Variants in KIF5A observed in about 807,000 individuals in gnomAD.
KIF5A encodes the protein kinesin heavy chain isoform 5A.
Under a neutral mutation model 141.3 loss-of-function variants are expected in KIF5A, and 35 were observed. That is an observed-to-expected ratio of 0.25 (90% CI 0.19 to 0.33). The LOEUF (loss-of-function observed/expected upper bound fraction) is 0.33, where lower values mean the gene tolerates loss of function less well. Among genes scored for constraint, KIF5A ranks in the 10% least tolerant of loss-of-function variants. KIF5A has a pLI of 1.00. For missense variants in KIF5A, 861 were observed against 1,314.3 expected (o/e 0.66, Z 5.33); for synonymous variants, 448 against 500.2 (o/e 0.90, Z 1.39).
In KIF5A at chr12:57,550,250, C is replaced by T. The variant is rs1212884404; in HGVS notation, c.-22C>T. ...CACCCCTGCAGCCCAAGAAGAGTCC[C>T]AGCCCCACGCCGGCTACCACCATGG... On this transcript the variant is annotated 5_prime_UTR_variant, in exon 1 of 29. Transcript: ENST00000455537. The surrounding 1 kb of genome is among the most constrained non-coding windows in gnomAD (Gnocchi z 4.6). The T allele has an allele frequency of 1.2e-6, 2 of 1,613,792 alleles. No individual in the cohort carries two copies. Among genetic ancestry groups the T allele is most frequent in the Admixed American group, 3.3e-5 (2 of 60,030 alleles).
rs751050159 is a variant in KIF5A at position 57,581,584 on chromosome 12, T to C, written c.2909+16T>C. 1 of 1,613,668 alleles carries C rather than the reference T, an allele frequency of 6.2e-7. No individual in the cohort carries two copies. Among genetic ancestry groups the C allele is most frequent in the Non-Finnish European group, 8.5e-7 (1 of 1,180,010 alleles). On this transcript the variant is annotated intron_variant, in intron 25 of 28. Transcript: ENST00000455537. ...CAGATATGTAGTGAGTGACCACACG[T>C]GTGGGTTGGAGTCCCACCCAAAGCT...
At chr12:57,563,972 C>T in intron 3 of KIF5A, 136 bp from the exon 4 acceptor site, 1 of 737,638 alleles carries the variant, frequency 1.4e-6, no homozygotes. Context: ...CTCTAAAAGG[C>T]AGACATGGTG....
At chr12:57,553,049 A>C (rs1881627222) in intron 1 of KIF5A, among the ~76,000 whole-genome samples, 1 of 152,090 alleles carries the variant, frequency 6.6e-6, no homozygotes, top group Non-Finnish European at 1.5e-5. Context: ...GTCATAGCAG[A>C]AGGGTGTCTG....
chr12:57,557,001 T>C (rs1207455934), intron 1 of KIF5A, among the ~76,000 whole-genome samples: 1 of 152,172 alleles, frequency 6.6e-6, no homozygotes, highest in Non-Finnish European at 1.5e-5. Flanking sequence ...TCCAGTCAAG[T>C]TGACACTCAG....
intron 1 of KIF5A, among the ~76,000 whole-genome samples, chr12:57,555,793 C>T (rs951985038): frequency 6.7e-5 from 10 of 149,010 alleles, no homozygotes; most frequent in Middle Eastern, 3.5e-3. Context: ...CCTGTAATCC[C>T]AGCTACTCGG....
intron 1 of KIF5A, among the ~76,000 whole-genome samples, chr12:57,554,501 A>G (rs1881673315): frequency 1.3e-5 from 2 of 152,092 alleles, no homozygotes; most frequent in Admixed American, 1.3e-4. Context: ...TTTCATGCAA[A>G]CCTCCAGATC....
intron 15 of KIF5A, among the ~76,000 whole-genome samples, chr12:57,573,191 A>C (rs1882309211): frequency 6.6e-6 from 1 of 152,142 alleles, no homozygotes; most frequent in Admixed American, 6.5e-5. Context: ...ACTCTGCCTT[A>C]AAAACAAAAC....
At position 57,551,847 on chromosome 12, in the gene KIF5A, C is replaced by T. The variant is rs141148875; in HGVS notation, c.129+1447C>T. Among the ~76,000 whole-genome samples, 950 of 151,790 alleles carry T rather than the reference C, an allele frequency of 6.3e-3. 12 individuals carry two copies. Among genetic ancestry groups the T allele is most frequent in the African/African-American group, 0.022 (894 of 41,296 alleles). On this transcript the variant is annotated intron_variant, in intron 1 of 28. Transcript: ENST00000455537. ...TCACCACCTTGCACCCTTACCCACA[C>T]TGTTAACTCAAATGGATGCTTTTGG... is the stretch of plus-strand genomic sequence containing the variant.
At position 57,585,801 on chromosome 12, in the gene KIF5A, C is replaced by G. The variant is rs1565707216; in HGVS notation, c.*1620C>G. The G allele has an allele frequency of 6.6e-6, 1 of 152,054 alleles. No homozygotes were observed. Among genetic ancestry groups the G allele is most frequent in the African/African-American group, 2.4e-5 (1 of 41,384 alleles). 9.4% of individuals were successfully genotyped at this position (152,054 alleles called of 1,614,324 possible). A position where few individuals can be genotyped will look rare whatever the true frequency, so the allele number is the denominator to read the frequency against. On this transcript the variant is annotated 3_prime_UTR_variant, in exon 29 of 29. Coordinates refer to ENST00000455537, the MANE Select transcript of KIF5A (RefSeq NM_004984.4). ...AGGGAGAACTGCAGGGGGAAAAATACCAGTGGAGTGTGGAATAAATCCAAA... is the reference window on the plus strand; with the variant it reads ...AGGGAGAACTGCAGGGGGAAAAATAGCAGTGGAGTGTGGAATAAATCCAAA...
chr12:57,576,453 T>C, intron 19 of KIF5A, 75 bp downstream of exon 19: 1 of 1,130,900 alleles, frequency 8.8e-7, no homozygotes, highest in Non-Finnish European at 1.3e-6. Flanking sequence ...ATGTCCCCTC[T>C]GGGTCTGATT....
At chr12:57,568,725 CAA>C (rs558633353) in intron 8 of KIF5A, among the ~76,000 whole-genome samples, 7 of 132,500 alleles carry the variant, frequency 5.3e-5, no homozygotes, top group African/African-American at 2.7e-5. Flanking sequence ...AACTCCATCT[CAA>C]AAAAAAAAAA....
At chr12:57,576,905 C>T (rs753411111) in intron 20 of KIF5A, 43 bp downstream of exon 20, 2 of 1,439,102 alleles carry the variant, frequency 1.4e-6, no homozygotes, top group South Asian at 2.3e-5. Context: ...GCCTTGTAGG[C>T]TCAGAACTGT....
intron 27 of KIF5A, 107 bp from the exon 28 acceptor site, chr12:57,582,994 T>A: frequency 1.1e-6 from 1 of 901,368 alleles, no homozygotes; most frequent in South Asian, 1.4e-5. Flanking sequence ...ACACAAATAG[T>A]CCCTGCCGTT....
At chr12:57,563,909 T>G (rs1881986612) in intron 3 of KIF5A, among the ~76,000 whole-genome samples, 199 bp from the exon 4 acceptor site, 1 of 152,168 alleles carries the variant, frequency 6.6e-6, no homozygotes, top group African/African-American at 2.4e-5. Flanking sequence ...AGTCTTCTTT[T>G]GATCGGGAAA....
In KIF5A at chr12:57,581,867, C is replaced by T. The variant is rs1489080361; in HGVS notation, c.2910-3C>T. ...GGCTGCCTCTTTCCTCTGCTCCATCCAGCTTTGCAAACTCCTGTACCAGCA... is the reference window on the plus strand; with the variant it reads ...GGCTGCCTCTTTCCTCTGCTCCATCTAGCTTTGCAAACTCCTGTACCAGCA... On this transcript the variant is annotated splice_polypyrimidine_tract_variant and splice_region_variant and intron_variant, in intron 25 of 28. Coordinates refer to ENST00000455537, the MANE Select transcript of KIF5A (RefSeq NM_004984.4). 1.9e-6 allele frequency: 3 copies of T among 1,613,854 alleles called. No individual in the cohort carries two copies. The highest frequency in any genetic ancestry group is 1.7e-5 in the Admixed American group (1 of 60,014).
chr12:57,571,680 C>T (rs1399216661), intron 13 of KIF5A, among the ~76,000 whole-genome samples: 1 of 151,990 alleles, frequency 6.6e-6, no homozygotes, highest in East Asian at 1.9e-4. Context: ...AGCAGTCCTC[C>T]TGCCTCAGCC....
intron 15 of KIF5A, 58 bp from the exon 16 acceptor site, chr12:57,575,026 G>A: frequency 6.5e-7 from 1 of 1,542,058 alleles, no homozygotes; most frequent in Non-Finnish European, 9.0e-7. Flanking sequence ...AGGTGGGAGG[G>A]AACAGATAAA....
At chr12:57,576,945 A>G (rs1211574968) in intron 20 of KIF5A, 83 bp downstream of exon 20, 11 of 958,712 alleles carry the variant, frequency 1.1e-5, no homozygotes, top group Non-Finnish European at 1.8e-5. Flanking sequence ...GAGGCAGGAC[A>G]CACATGCAGA....
intron 1 of KIF5A, among the ~76,000 whole-genome samples, chr12:57,561,373 T>C (rs1369404898): frequency 6.6e-6 from 1 of 152,188 alleles, no homozygotes; most frequent in Non-Finnish European, 1.5e-5. Context: ...ATCTTAGCAC[T>C]GGAATCCTGG....
Sources: allele counts gnomAD v4.1 joint callset (sites outside exome capture counted in the v4.1 genomes callset), GRCh38; gene constraint gnomAD v4.1.1; non-coding constraint Gnocchi (gnomAD v3.1); transcripts MANE v1.5; gene names NCBI Gene and HGNC (gene_info 2026-07-23, HGNC 2026-07-21).